Variants in SOAT1 observed in about 807,000 individuals in gnomAD.
SOAT1 encodes the protein acyl-coenzyme A:cholesterol acyltransferase 1.
SOAT1 carries 55 observed loss-of-function variants against 69.5 expected under a neutral mutation model. The observed-to-expected ratio is 0.79, with a 90% CI of 0.64 to 0.99. The LOEUF (loss-of-function observed/expected upper bound fraction) is 0.99. Ranked by LOEUF, SOAT1 falls within the 50% of genes least tolerant of loss-of-function variation. SOAT1 has a pLI of 0.00. For synonymous variants in SOAT1, 231 were observed against 224.7 expected, an observed-to-expected ratio of 1.03 and a Z score of -0.25; for missense variants, 580 against 669.3, an observed-to-expected ratio of 0.87 and a Z score of 1.47.
intron 2 of SOAT1, among the ~76,000 whole-genome samples, chr1:179,320,322 G>A (rs1191599346): frequency 6.6e-6 from 1 of 151,966 alleles, no homozygotes; most frequent in Admixed American, 6.6e-5. Context: ...CACCCTTTTC[G>A]AAAATCAATT....
chr1:179,337,724 C>T, intron 4 of SOAT1, 113 bp from the exon 5 acceptor site: 1 of 671,144 alleles, frequency 1.5e-6, no homozygotes. Flanking sequence ...GTGAAAAGGT[C>T]ATTGGTCAAT....
At chr1:179,343,007 A>G in intron 9 of SOAT1, 64 bp downstream of exon 9, 3 of 1,263,574 alleles carry the variant, frequency 2.4e-6, no homozygotes, top group Middle Eastern at 1.9e-4. Flanking sequence ...GAGGTGGGAT[A>G]GGTAAACAGG....
At chr1:179,318,397 T>C (rs1363721771) in intron 2 of SOAT1, among the ~76,000 whole-genome samples, 2 of 152,130 alleles carry the variant, frequency 1.3e-5, no homozygotes, top group South Asian at 2.1e-4. Context: ...AAAAATACTG[T>C]CATACCTTTC....
At chr1:179,353,531 C>A in intron 15 of SOAT1, 54 bp from the exon 16 acceptor site, 1 of 1,472,230 alleles carries the variant, frequency 6.8e-7, no homozygotes, top group Non-Finnish European at 9.5e-7. Context: ...ATCTCCACAC[C>A]TCCTCTACTC....
Position 179,309,567 on chromosome 1 carries a change from A to C in SOAT1, c.118+6765A>C, listed in dbSNP as rs576547292. 1.1e-4 allele frequency among the ~76,000 whole-genome samples: 16 copies of C among 152,348 alleles called. No homozygotes were observed. The South Asian group carries it at 2.3e-3, about 22-fold the overall frequency. ...CCTGATTTGATGGGTGAAAAACAGT[A>C]TACATATAGCATAAATTTGTTCTCA... On this transcript the variant is annotated intron_variant, in intron 2 of 15. Coordinates refer to ENST00000367619, the MANE Select transcript of SOAT1 (RefSeq NM_003101.6).
intron 3 of SOAT1, among the ~76,000 whole-genome samples, chr1:179,331,550 C>T (rs1558050135): frequency 6.6e-6 from 1 of 152,124 alleles, no homozygotes; most frequent in Non-Finnish European, 1.5e-5. Flanking sequence ...CCAGCCTGGG[C>T]AACACTGTGA....
chr1:179,343,564 C>T (rs1666416775), intron 9 of SOAT1, 26 bp from the exon 10 acceptor site: 2 of 1,590,366 alleles, frequency 1.3e-6, no homozygotes, highest in Non-Finnish European at 1.7e-6. Flanking sequence ...ATTTAGAAAC[C>T]TTATTTTTGT....
In SOAT1 at chr1:179,329,003, G is replaced by A. The variant is rs548467989; in HGVS notation, c.177+5508G>A. On this transcript the variant is annotated intron_variant, in intron 3 of 15. Transcript: ENST00000367619. Reference sequence around the variant, plus strand: ...GGAGGTTGCAATGAGCTGAGATGGCGCCACTGCACTCCAGCCTGGGTGATA... The same window carrying A: ...GGAGGTTGCAATGAGCTGAGATGGCACCACTGCACTCCAGCCTGGGTGATA... Among the ~76,000 whole-genome samples the A allele has an allele frequency of 5.2e-4, 75 of 145,574 alleles. 1 individual carries two copies. The South Asian group carries it at 0.015, about 29-fold the overall frequency.
intron 2 of SOAT1, among the ~76,000 whole-genome samples, chr1:179,306,830 C>CAAAAAA (rs11461908): frequency 2.1e-5 from 2 of 96,646 alleles, no homozygotes; most frequent in African/African-American, 9.2e-5. Flanking sequence ...GACTCCATCT[C>CAAAAAA]AAAAAAAAAA....
At chr1:179,339,602 A>G in intron 6 of SOAT1, 57 bp downstream of exon 6, 1 of 1,210,310 alleles carries the variant, frequency 8.3e-7, no homozygotes, top group Non-Finnish European at 1.2e-6. Flanking sequence ...AGAGGTTTTC[A>G]CTAAATTTTG....
rs1371275845 is a variant in SOAT1, at chr1:179,354,584, G to T, written c.*943G>T. The T allele has an allele frequency of 6.6e-6, 1 of 152,044 alleles. No individual in the cohort carries two copies. Among genetic ancestry groups the T allele is most frequent in the Non-Finnish European group, 1.5e-5 (1 of 68,012 alleles). The allele number at this position is 152,044 out of a possible 1,614,324, so 9.4% of individuals were successfully genotyped here. On this transcript the variant is annotated 3_prime_UTR_variant, in exon 16 of 16. Coordinates refer to ENST00000367619, the MANE Select transcript of SOAT1 (RefSeq NM_003101.6). ...ATATTGACTTCTCTTGAATTATTTT[G>T]CAGACTAGTGAGTCTGTACCATAAG...
intron 10 of SOAT1, among the ~76,000 whole-genome samples, 162 bp downstream of exon 10, chr1:179,343,797 T>C (rs1185535337): frequency 6.6e-6 from 1 of 152,216 alleles, no homozygotes; most frequent in Non-Finnish European, 1.5e-5. Flanking sequence ...GGTGTTTGTT[T>C]TGCCAACATC....
intron 8 of SOAT1, 65 bp from the exon 9 acceptor site, chr1:179,342,797 C>G (rs1185787594): frequency 9.0e-7 from 1 of 1,114,476 alleles, no homozygotes; most frequent in African/African-American, 1.5e-5. Context: ...CCTTATATTC[C>G]CCCCTGTATT....
chr1:179,322,804 T>C (rs913051870), intron 2 of SOAT1, among the ~76,000 whole-genome samples: 4 of 152,184 alleles, frequency 2.6e-5, no homozygotes, highest in Non-Finnish European at 4.4e-5. Context: ...TTGGTTTCTT[T>C]CTTATACACT....
intron 2 of SOAT1, among the ~76,000 whole-genome samples, chr1:179,310,045 A>T (rs1048796807): frequency 6.6e-6 from 1 of 152,094 alleles, no homozygotes; most frequent in Middle Eastern, 3.4e-3. Context: ...GATTACAGGC[A>T]TGTACCACCA....
chr1:179,331,930 C>T (rs1384118155), intron 3 of SOAT1, among the ~76,000 whole-genome samples: 4 of 152,198 alleles, frequency 2.6e-5, no homozygotes, highest in African/African-American at 9.6e-5. Flanking sequence ...AATTTTTAGA[C>T]TAGCAATATA....
chr1:179,351,720 A>ATTTTTTT (rs1558061106), intron 15 of SOAT1, among the ~76,000 whole-genome samples: 6 of 43,498 alleles, frequency 1.4e-4, no homozygotes, highest in African/African-American at 4.7e-4. Context: ...AGCCCCTTCT[A>ATTTTTTT]ATTTTTTTTT....
intron 2 of SOAT1, among the ~76,000 whole-genome samples, chr1:179,319,869 G>A (rs1665533563): frequency 6.6e-6 from 1 of 152,062 alleles, no homozygotes; most frequent in Non-Finnish European, 1.5e-5. Context: ...TCCCACCTTG[G>A]CCTCCCAAAG....
intron 3 of SOAT1, among the ~76,000 whole-genome samples, chr1:179,323,920 G>A (rs1665693720): frequency 6.6e-6 from 1 of 152,156 alleles, no homozygotes; most frequent in South Asian, 2.1e-4. Flanking sequence ...ATCATTTCAA[G>A]TGGGGATAAA....
Sources: allele counts gnomAD v4.1 joint callset (sites outside exome capture counted in the v4.1 genomes callset), GRCh38; gene constraint gnomAD v4.1.1; transcripts MANE v1.5; gene names NCBI Gene and HGNC (gene_info 2026-07-23, HGNC 2026-07-21).